Variants in DNAH11 observed in about 807,000 individuals in gnomAD.
DNAH11 encodes the protein dynein axonemal heavy chain 11, also known as axonemal beta dynein heavy chain 11.
A neutral mutation model predicts 526.0 loss-of-function variants in DNAH11; 442 were observed. The ratio of observed to expected loss-of-function variants is 0.84; its 90% CI spans 0.78 to 0.91. The LOEUF is 0.91. DNAH11 is among the 40% of genes least tolerant of loss of function. The pLI is 0.00. For missense variants in DNAH11, 6,989 were observed against 5,448.7 expected, an observed-to-expected ratio of 1.28 and a Z score of -8.90; for synonymous variants, 2,461 against 1,935.9, an observed-to-expected ratio of 1.27 and a Z score of -7.12.
At chr7:21,684,180 A>G (rs755198852) in intron 32 of DNAH11, among the ~76,000 whole-genome samples, 6 of 152,220 alleles carry the variant, frequency 3.9e-5, no homozygotes, top group Non-Finnish European at 7.3e-5. Context: ...GTTATCTACA[A>G]CTAACTTTCT....
At chr7:21,658,703 G>A (rs755716597) in intron 29 of DNAH11, 95 bp from the exon 30 acceptor site, 1 of 992,946 alleles carries the variant, frequency 1.0e-6, no homozygotes, top group Non-Finnish European at 1.4e-6. Context: ...TCCACCTGGG[G>A]CATTACCCTC....
intron 25 of DNAH11, among the ~76,000 whole-genome samples, chr7:21,630,217 C>T (rs928417666): frequency 6.6e-6 from 1 of 151,878 alleles, no homozygotes; most frequent in African/African-American, 2.4e-5. Context: ...TCCTTCCCCC[C>T]ACCCCACATT....
Position 21,652,464 on chromosome 7 carries a change from G to A in DNAH11, c.4945-3368G>A, listed in dbSNP as rs1163779900. 3.3e-5 allele frequency among the ~76,000 whole-genome samples: 5 copies of A among 152,182 alleles called. 1 individual carries two copies. Among genetic ancestry groups the A allele is most frequent in the Non-Finnish European group, 7.3e-5 (5 of 68,030 alleles). On this transcript the variant is annotated intron_variant, in intron 28 of 81. Coordinates refer to ENST00000409508, the MANE Select transcript of DNAH11 (RefSeq NM_001277115.2). ...AGTAGTAAGATGAGAAGGAGGCAAT[G>A]CTATTCATATAACTTAAGTTTTCTG...
rs376740814 is a variant in DNAH11, at chr7:21,873,762, A to G, written c.12195+261A>G. Among the ~76,000 whole-genome samples, 11 of 131,720 alleles carry G rather than the reference A, an allele frequency of 8.4e-5. No individual in the cohort carries two copies. The South Asian group carries it at 1.8e-3, about 21-fold the overall frequency. 86.4% of individuals were successfully genotyped at this position (131,720 alleles called of 152,430 possible). A position where few individuals can be genotyped will look rare whatever the true frequency, so the allele number is the denominator to read the frequency against. On this transcript the variant is annotated intron_variant, in intron 74 of 81. Coordinates refer to ENST00000409508, the MANE Select transcript of DNAH11 (RefSeq NM_001277115.2). ...AGCTACTGTGTAGGGAAAGCTAACT[A>G]GGTAACTTCTTGAGGAGGTTGCTTT...
intron 55 of DNAH11, 56 bp downstream of exon 55, chr7:21,765,645 CA>C: frequency 9.0e-7 from 1 of 1,115,168 alleles, no homozygotes; most frequent in Non-Finnish European, 1.2e-6. Context: ...CACACACACA[CA>C]CACACACACA....
rs372730542 is a variant in DNAH11 at position 21,741,994 on chromosome 7, T to C, written c.7982T>C (p.Ile2661Thr). ...LDALNTIYGQ[I>T]FSFHFQQQAF... ...GCACTAAACACCATCTATGGCCAAA[T>C]CTTTAGCTTCCATTTCCAACAGCAA... The change falls in exon 49 of 82, where the codon ATC (isoleucine) becomes ACC (threonine). Residue 2661 changes from isoleucine (I) to threonine (T), a missense_variant. By Grantham distance (89) the Ile-to-Thr change is moderately conservative (BLOSUM62 -1). Coordinates refer to ENST00000409508, the MANE Select transcript of DNAH11 (RefSeq NM_001277115.2). 11 of 1,613,834 alleles carry C rather than the reference T, an allele frequency of 6.8e-6. No homozygotes were observed. Among genetic ancestry groups the C allele is most frequent in the Admixed American group, 1.7e-5 (1 of 59,992 alleles).
intron 70 of DNAH11, among the ~76,000 whole-genome samples, chr7:21,865,834 T>C (rs1162571673): frequency 6.6e-6 from 1 of 152,218 alleles, no homozygotes; most frequent in Admixed American, 6.5e-5. Context: ...TTTATGGTTA[T>C]TTCTTGTTGA....
At chr7:21,854,134 A>C (rs575791791) in intron 67 of DNAH11, among the ~76,000 whole-genome samples, 181 bp from the exon 68 acceptor site, 2 of 152,320 alleles carry the variant, frequency 1.3e-5, no homozygotes, top group South Asian at 4.1e-4. Flanking sequence ...AGTTTATTAA[A>C]AAAATTATTT....
chr7:21,700,919 T>C (rs1258788646), intron 36 of DNAH11, among the ~76,000 whole-genome samples: 2 of 152,010 alleles, frequency 1.3e-5, no homozygotes, highest in African/African-American at 4.8e-5. Context: ...TGAGAACATA[T>C]GGGCACAAGG....
intron 57 of DNAH11, among the ~76,000 whole-genome samples, chr7:21,783,832 G>A (rs1344705227): frequency 1.3e-5 from 2 of 152,146 alleles, no homozygotes; most frequent in African/African-American, 2.4e-5. Context: ...GTGGGCTCTT[G>A]CATCTCTGGT....
intron 9 of DNAH11, among the ~76,000 whole-genome samples, chr7:21,584,553 T>C (rs988211668): frequency 6.6e-6 from 1 of 152,138 alleles, no homozygotes; most frequent in Non-Finnish European, 1.5e-5. Flanking sequence ...ATTGTGTACA[T>C]GTATCCCAGA....
At position 21,750,227 on chromosome 7, in the gene DNAH11, A is replaced by T; in HGVS notation, c.8803A>T (p.Ile2935Phe). 1 of 1,594,118 alleles carries T rather than the reference A, an allele frequency of 6.3e-7. No individual in the cohort carries two copies. Among genetic ancestry groups the T allele is most frequent in the South Asian group, 1.2e-5 (1 of 85,274 alleles). The change falls in exon 54 of 82, where the codon ATC becomes TTC. Residue 2935 changes from isoleucine to phenylalanine, a missense_variant. Coordinates refer to ENST00000409508, the MANE Select transcript of DNAH11 (RefSeq NM_001277115.2). ...CTACTCATTCTTTGGGGCAGGAGAA[A>T]TCCCAGATCTGTTCAGCGATGAAGA... ...LINDLLASGE[I>F]PDLFSDEDVD...
rs1783200503 is a variant in DNAH11 at position 21,864,609 on chromosome 7, T to A, written c.11448T>A (p.His3816Gln). ...TTCGATTCACAGTTGAACACACTCA[T>A]CTGAGTCCCGTTGACTTCCTAACTT... The part of the protein sequence containing the change: ...FLLRFTVEHT[H>Q]LSPVDFLTSQ... The change falls in exon 70 of 82, where the codon CAT becomes CAA. Residue 3816 changes from histidine to glutamine, a missense_variant. His to Gln is a conservative substitution (Grantham distance 24, BLOSUM62 0). Coordinates refer to ENST00000409508, the MANE Select transcript of DNAH11 (RefSeq NM_001277115.2). 3.1e-6 allele frequency: 5 copies of A among 1,610,148 alleles called. No individual in the cohort carries two copies. Among genetic ancestry groups the A allele is most frequent in the East Asian group, 2.2e-5 (1 of 44,656 alleles).
intron 74 of DNAH11, among the ~76,000 whole-genome samples, chr7:21,878,864 T>C (rs1783808885): frequency 6.6e-6 from 1 of 152,162 alleles, no homozygotes; most frequent in Non-Finnish European, 1.5e-5. Flanking sequence ...ATGGCCCAAG[T>C]TGTCAGATCC....
At chr7:21,762,140 G>C (rs1486846173) in intron 54 of DNAH11, among the ~76,000 whole-genome samples, 1 of 152,112 alleles carries the variant, frequency 6.6e-6, no homozygotes, top group Non-Finnish European at 1.5e-5. Context: ...CTCCCAGTTG[G>C]TCCCTCCCTC....
At chr7:21,675,774 C>T (rs955663263) in intron 30 of DNAH11, among the ~76,000 whole-genome samples, 7 of 152,078 alleles carry the variant, frequency 4.6e-5, no homozygotes, top group African/African-American at 1.4e-4. Context: ...CAGATGTGGG[C>T]CTTGCTCCTT....
At chr7:21,709,227 G>A (rs1005894281) in intron 40 of DNAH11, among the ~76,000 whole-genome samples, 3 of 152,136 alleles carry the variant, frequency 2.0e-5, no homozygotes, top group Non-Finnish European at 2.9e-5. Flanking sequence ...ATACACCATG[G>A]AATACTATGT....
rs373574217 is a variant in DNAH11, at chr7:21,606,500, T to C, written c.3723T>C (p.Asn1241=). The change falls in exon 19 of 82, where the codon AAT becomes AAC. Residue 1241 remains asparagine (N), a synonymous_variant. Coordinates refer to ENST00000409508, the MANE Select transcript of DNAH11 (RefSeq NM_001277115.2). ...TVRHEVSPLH[N]AEVTLIRKKC... ...GACATGAAGTCTCACCTCTCCATAA[T>C]GCGGAAGTCACTCTTATAAGGAAAA... The C allele has an allele frequency of 1.2e-5, 20 of 1,611,234 alleles. No individual in the cohort carries two copies. The highest frequency in any genetic ancestry group is 1.6e-5 in the Non-Finnish European group (19 of 1,179,338).
At chr7:21,742,817 C>CTT (rs1362260088) in intron 49 of DNAH11, among the ~76,000 whole-genome samples, 5 of 152,126 alleles carry the variant, frequency 3.3e-5, no homozygotes, top group Non-Finnish European at 7.3e-5. Flanking sequence ...ATGTCTTTGT[C>CTT]TGCGCTTCCG....
Sources: allele counts gnomAD v4.1 joint callset (sites outside exome capture counted in the v4.1 genomes callset), GRCh38; gene constraint gnomAD v4.1.1; transcripts MANE v1.5; gene names NCBI Gene and HGNC (gene_info 2026-07-23, HGNC 2026-07-21).